NCAPD3: variants seen among roughly 807,000 people sequenced by gnomAD.
NCAPD3 encodes the protein non-SMC condensin II complex subunit D3, also known as condensin-2 complex subunit D3.
A neutral mutation model predicts 182.9 loss-of-function variants in NCAPD3; 105 were observed. The ratio of observed to expected loss-of-function variants is 0.57; its 90% CI spans 0.49 to 0.68. The LOEUF (loss-of-function observed/expected upper bound fraction) is 0.68. Ranked by LOEUF, NCAPD3 falls within the 30% of genes least tolerant of loss-of-function variation. The pLI is 0.00. For synonymous variants in NCAPD3, 815 were observed against 679.9 expected, an observed-to-expected ratio of 1.20 and a Z score of -3.09; for missense variants, 1,944 against 1,837.0, an observed-to-expected ratio of 1.06 and a Z score of -1.07.
At chr11:134,153,717 CCT>C (rs1943332440) in intron 32 of NCAPD3, 1 of 339,296 alleles carries the variant, frequency 2.9e-6, no homozygotes, top group South Asian at 3.1e-5. Context: ...ACCCAGATTC[CCT>C]GAGGACACTT....
At position 134,152,240 on chromosome 11, in the gene NCAPD3, G is replaced by T. The variant is rs537203880; in HGVS notation, c.*704C>A. 6.6e-6 allele frequency among the ~76,000 whole-genome samples: 1 copy of T among 152,246 alleles called. No homozygotes were observed. The highest frequency in any genetic ancestry group is 2.4e-5 in the African/African-American group (1 of 41,466). On this transcript the variant is annotated 3_prime_UTR_variant, in exon 35 of 35. Transcript: ENST00000534548. The stretch of plus-strand genomic sequence containing the variant: ...TGCAAAGCCATTTTTTCCCAAGAAG[G>T]GATGCTGTTCATGTCTGTTAGGGAA...
At chr11:134,165,107 GCA>G (rs943838670) in intron 27 of NCAPD3, among the ~76,000 whole-genome samples, 8 of 150,720 alleles carry the variant, frequency 5.3e-5, no homozygotes, top group African/African-American at 2.0e-4. Context: ...TGCGGGAGCT[GCA>G]CACTCACTTG....
chr11:134,176,611 G>A (rs571516083), intron 23 of NCAPD3, among the ~76,000 whole-genome samples: 6 of 152,328 alleles, frequency 3.9e-5, no homozygotes, highest in African/African-American at 1.2e-4. Flanking sequence ...GGCATTAGAG[G>A]GATGGTGCCA....
intron 1 of NCAPD3, chr11:134,223,393 G>A (rs1289337778): frequency 4.3e-6 from 3 of 702,314 alleles, no homozygotes; most frequent in Non-Finnish European, 2.6e-6. Context: ...TGGGTTGGTG[G>A]CTTGGATGGT....
intron 24 of NCAPD3, among the ~76,000 whole-genome samples, chr11:134,172,532 T>A (rs1944032793): frequency 6.6e-6 from 1 of 152,190 alleles, no homozygotes; most frequent in Non-Finnish European, 1.5e-5. Flanking sequence ...TCTATCTCAA[T>A]GGTCCATTAT....
Position 134,206,656 on chromosome 11 carries a change from G to C in NCAPD3, c.959C>G (p.Pro320Arg). The change falls in exon 8 of 35, where the codon CCC becomes CGC. Residue 320 changes from proline to arginine, a missense_variant. By Grantham distance (103) the Pro-to-Arg change is moderately radical. Transcript: ENST00000534548. ...GATGACTTGGGAGGTAACAGCAAGG[G>C]GGGCACGATGGGATCCTTCACCAAC... ...LEVGEGSHRA[P>R]LAVTSQVINC... 1 of 1,613,576 alleles carries C rather than the reference G, an allele frequency of 6.2e-7. No individual in the cohort carries two copies. Among genetic ancestry groups the C allele is most frequent in the Non-Finnish European group, 8.5e-7 (1 of 1,179,786 alleles).
Position 134,160,029 on chromosome 11 carries a change from C to A in NCAPD3, c.3730G>T (p.Val1244Phe). The change falls in exon 29 of 35, where the codon GTT (valine) becomes TTT (phenylalanine). Residue 1244 changes from valine (V) to phenylalanine (F), a missense_variant. Around this residue, in one of 3 missense-constraint regions of NCAPD3, gnomAD observed 1,803 missense variants for 1,674.6 expected, o/e 1.08. Coordinates refer to ENST00000534548, the MANE Select transcript of NCAPD3 (RefSeq NM_015261.3). ...AGCTCTGATGCCAGCTGTTTGTCAA[C>A]TGCAAAGAAGTCCTTGAGCTCATCT... ...YRDELKDFFA[V>F]DKQLASELEY... 2 of 1,614,170 alleles carry A rather than the reference C, an allele frequency of 1.2e-6. No individual in the cohort carries two copies. The highest frequency in any genetic ancestry group is 1.3e-5 in the African/African-American group (1 of 75,040).
At position 134,178,713 on chromosome 11, in the gene NCAPD3, G is replaced by C; in HGVS notation, c.2703C>G (p.Ala901=). The C allele has an allele frequency of 6.2e-7, 1 of 1,605,656 alleles. No homozygotes were observed. ...CCTGGGGGGGTGGCTGAGACGCTGG[G>C]GCCTCACTGCTGCCTTGAGATGATG... ...HSPSSQGSSE[A]PASQPPPQVR... is the part of the protein sequence containing the mutation. Residue 901 remains alanine, a synonymous_variant, in exon 22 of 35, where the codon GCC becomes GCG. Coordinates refer to ENST00000534548, the MANE Select transcript of NCAPD3 (RefSeq NM_015261.3).
Position 134,215,555 on chromosome 11 carries a change from T to C in NCAPD3, c.382+1381A>G, listed in dbSNP as rs182094594. 3.3e-5 allele frequency among the ~76,000 whole-genome samples: 5 copies of C among 152,230 alleles called. No homozygotes were observed. In the East Asian group the frequency reaches 9.6e-4, roughly 29 times the overall value. On this transcript the variant is annotated intron_variant, in intron 3 of 34. Transcript: ENST00000534548. The stretch of plus-strand genomic sequence containing the variant: ...AAAACAATTTCATTTACACTAGCAT[T>C]GAAAATAACACTTAAGAATAAATTT...
Position 134,223,920 on chromosome 11 carries a change from C to T in NCAPD3, c.7G>A (p.Ala3Thr), listed in dbSNP as rs1316773278. The T allele has an allele frequency of 6.2e-7, 1 of 1,612,562 alleles. No individual in the cohort carries two copies. Among genetic ancestry groups the T allele is most frequent in the Non-Finnish European group, 8.5e-7 (1 of 1,179,792 alleles). Reference protein sequence around the residue: MVALRGLGSGLQP... With the variant: MVTLRGLGSGLQP... ...AGGCCGCTACCAAGGCCCCGCAACG[C>T]CACCATGATCCCAGGGCACCGGCTC... Residue 3 changes from alanine (A) to threonine (T), a missense_variant, in exon 1 of 35, where the codon GCG (alanine) becomes ACG (threonine). Physicochemically the swap from Ala to Thr is moderately conservative, Grantham distance 58. This residue lies in a region of NCAPD3 where 131 missense variants were observed against 133.9 expected (regional missense o/e 0.98). Transcript: ENST00000534548.
rs1440446731 is a variant in NCAPD3, at chr11:134,209,297, T to C, written c.732+16A>G. 2.5e-6 allele frequency: 4 copies of C among 1,609,606 alleles called. No homozygotes were observed. The highest frequency in any genetic ancestry group is 1.7e-5 in the Admixed American group (1 of 59,014). ...TCCTTTGAAGTTGCCCTAAGGTTCCTGGAATTTTCACTTACCTCTATACAA... is the reference window on the plus strand; with the variant it reads ...TCCTTTGAAGTTGCCCTAAGGTTCCCGGAATTTTCACTTACCTCTATACAA... On this transcript the variant is annotated intron_variant, in intron 5 of 34. Transcript: ENST00000534548.
intron 32 of NCAPD3, among the ~76,000 whole-genome samples, chr11:134,154,531 C>T (rs1943362480): frequency 8.4e-6 from 1 of 118,914 alleles, no homozygotes; most frequent in Non-Finnish European, 1.8e-5. Flanking sequence ...CTTGGAGGCC[C>T]GGGTGGTGCA....
At chr11:134,216,096 G>C (rs1199974060) in intron 3 of NCAPD3, among the ~76,000 whole-genome samples, 1 of 152,080 alleles carries the variant, frequency 6.6e-6, no homozygotes, top group Non-Finnish European at 1.5e-5. Flanking sequence ...TTGAGAGAGG[G>C]CCTAGTTACA....
chr11:134,225,239 C>T (rs1057360508), upstream of NCAPD3: 15 of 1,614,064 alleles, frequency 9.3e-6, no homozygotes, highest in Admixed American at 8.3e-5. Context: ...AATATTTCCT[C>T]TTCTACGACG....
intron 1 of NCAPD3, among the ~76,000 whole-genome samples, chr11:134,222,593 G>C (rs1291148394): frequency 6.6e-6 from 1 of 152,154 alleles, no homozygotes; most frequent in South Asian, 2.1e-4. Flanking sequence ...TCAATAGATG[G>C]TATTTATTAT....
intron 27 of NCAPD3, among the ~76,000 whole-genome samples, chr11:134,164,802 G>T: frequency 6.8e-6 from 1 of 147,772 alleles, no homozygotes; most frequent in African/African-American, 2.5e-5. Context: ...GAACTTAGGG[G>T]AACTTCACAC....
intron 8 of NCAPD3, 111 bp from the exon 9 acceptor site, chr11:134,205,082 C>T: frequency 4.1e-6 from 3 of 737,276 alleles, no homozygotes; most frequent in Non-Finnish European, 6.8e-6. Flanking sequence ...CTACCTCACG[C>T]TATAAGAGTG....
intron 27 of NCAPD3, among the ~76,000 whole-genome samples, chr11:134,164,681 C>A (rs114230486): frequency 0.016 from 2,388 of 149,760 alleles, 59 homozygotes; most frequent in African/African-American, 0.054. Context: ...GAGCTGCACA[C>A]TCACTTGTAA....
chr11:134,175,524 T>G (rs1944140480), intron 24 of NCAPD3, among the ~76,000 whole-genome samples: 1 of 152,118 alleles, frequency 6.6e-6, no homozygotes, highest in Admixed American at 6.5e-5. Flanking sequence ...GAACTCAGGG[T>G]AAATTATTGG....
Sources: allele counts gnomAD v4.1 joint callset (sites outside exome capture counted in the v4.1 genomes callset), GRCh38; gene constraint gnomAD v4.1.1; regional missense constraint gnomAD v4.1.1; transcripts MANE v1.5; gene names NCBI Gene and HGNC (gene_info 2026-07-23, HGNC 2026-07-21).